The following NIPA1 variants were observed in gnomAD, a reference collection of about 807,000 sequenced individuals.
NIPA1 encodes magnesium transporter NIPA1.
NIPA1 carries 13 observed loss-of-function variants against 23.9 expected under a neutral mutation model. That is an observed-to-expected ratio of 0.54 (90% CI 0.35 to 0.87). NIPA1 has a LOEUF of 0.87. Among genes scored for constraint, NIPA1 ranks in the 40% least tolerant of loss-of-function variants. NIPA1 has a pLI of 0.01. For missense variants in NIPA1, 362 were observed against 429.7 expected (o/e 0.84, Z 1.39); for synonymous variants, 234 against 202.9 (o/e 1.15, Z -1.30).
intron 1 of NIPA1, among the ~76,000 whole-genome samples, chr15:22,791,008 A>G (rs1329809689): frequency 2.0e-5 from 3 of 152,154 alleles, no homozygotes; most frequent in Admixed American, 6.6e-5. Flanking sequence ...ATTTAGGGGT[A>G]CAAATGCAGT....
At chr15:22,799,781 CAAA>C (rs746610642) in intron 1 of NIPA1, among the ~76,000 whole-genome samples, 4 of 104,166 alleles carry the variant, frequency 3.8e-5, no homozygotes, top group Non-Finnish European at 4.1e-5. Context: ...GACTCTGTCT[CAAA>C]AAAAAAAAAA....
chr15:22,795,365 C>G (rs1274751229), intron 1 of NIPA1, among the ~76,000 whole-genome samples: 1 of 152,084 alleles, frequency 6.6e-6, no homozygotes, highest in Non-Finnish European at 1.5e-5. Context: ...GTGGACTGGG[C>G]TCCGCTGGGC....
upstream of NIPA1, chr15:22,786,562 C>T (rs894979804): frequency 3.3e-6 from 1 of 301,418 alleles, no homozygotes; most frequent in Non-Finnish European, 4.9e-6. Context: ...CACCCGTCCC[C>T]CTCCCCTCCC....
At chr15:22,793,295 GCTGAGATCGCACC>G (rs1894869576) in intron 1 of NIPA1, among the ~76,000 whole-genome samples, 1 of 140,296 alleles carries the variant, frequency 7.1e-6, no homozygotes, top group Non-Finnish European at 1.5e-5. Context: ...GTTGCAGTGA[GCTGAGATCGCACC>G]ACTGCACTCC....
chr15:22,797,751 C>A (rs546710309), intron 1 of NIPA1, among the ~76,000 whole-genome samples: 1 of 152,134 alleles, frequency 6.6e-6, no homozygotes, highest in Non-Finnish European at 1.5e-5. Flanking sequence ...GATCCGCCCA[C>A]CTCGGCCTCC....
rs1193412174 is a variant in NIPA1, at chr15:22,804,099, CCTGAGT to C, written c.179-6649_179-6644del. On this transcript the variant is annotated intron_variant, in intron 1 of 4. Transcript: ENST00000337435. Reference sequence around the variant, plus strand: ...TCGAGCGATTCTCCTGCGTCAGCGTCCTGAGTAGCTGGGATTACAGGCATGAACCAC... The same window carrying C: ...TCGAGCGATTCTCCTGCGTCAGCGTCAGCTGGGATTACAGGCATGAACCAC... 3.9e-5 allele frequency among the ~76,000 whole-genome samples: 6 copies of C among 152,050 alleles called. No individual in the cohort carries two copies. The South Asian group carries it at 1.0e-3, about 26-fold the overall frequency.
At chr15:22,820,548 T>C (rs1470923285) in intron 4 of NIPA1, 75 bp downstream of exon 4, 10 of 1,091,678 alleles carry the variant, frequency 9.2e-6, no homozygotes, top group Non-Finnish European at 1.4e-5. Context: ...GTCTTCAAAT[T>C]GGATGCTTCC....
At chr15:22,807,340 T>G (rs1895230235) in intron 1 of NIPA1, among the ~76,000 whole-genome samples, 1 of 152,174 alleles carries the variant, frequency 6.6e-6, no homozygotes. Flanking sequence ...TTGACCAGCT[T>G]TCACTGTAGG....
intron 3 of NIPA1, chr15:22,813,761 A>ATG (rs1372371873): frequency 4.5e-6 from 2 of 448,544 alleles, no homozygotes; most frequent in African/African-American, 4.0e-5. Flanking sequence ...CGCCTTGAGA[A>ATG]TGTGTGTGTG....
rs1407510023 is a variant in NIPA1, at chr15:22,828,540, C to A, written c.*4301C>A. Reference sequence around the variant, plus strand: ...GTGAGAATTTGGCCCACTACCACGACTCATTTGTTTCATTCACATTCCTCA... The same window carrying A: ...GTGAGAATTTGGCCCACTACCACGAATCATTTGTTTCATTCACATTCCTCA... On this transcript the variant is annotated 3_prime_UTR_variant, in exon 5 of 5. Coordinates refer to ENST00000337435, the MANE Select transcript of NIPA1 (RefSeq NM_144599.5). 1.3e-5 allele frequency: 2 copies of A among 152,528 alleles called. No homozygotes were observed. Among genetic ancestry groups the A allele is most frequent in the Non-Finnish European group, 2.9e-5 (2 of 68,030 alleles). The allele number at this position is 152,528 out of a possible 1,614,324, so 9.4% of individuals were successfully genotyped here.
At chr15:22,817,328 C>T (rs1400209807) in intron 3 of NIPA1, among the ~76,000 whole-genome samples, 4 of 146,966 alleles carry the variant, frequency 2.7e-5, no homozygotes, top group Non-Finnish European at 5.9e-5. Flanking sequence ...GGTGAAACCC[C>T]GTCTCTCATA....
intron 1 of NIPA1, among the ~76,000 whole-genome samples, chr15:22,804,890 G>A (rs972895191): frequency 3.9e-5 from 6 of 151,980 alleles, no homozygotes; most frequent in Admixed American, 6.6e-5. Context: ...AGGCTGGAGT[G>A]CAGTGGCGCA....
intron 3 of NIPA1, among the ~76,000 whole-genome samples, chr15:22,816,457 G>T (rs1297899788): frequency 7.3e-5 from 10 of 136,960 alleles, no homozygotes; most frequent in African/African-American, 2.7e-4. Flanking sequence ...AAAGTGCTGG[G>T]ATTACAGGTG....
intron 1 of NIPA1, among the ~76,000 whole-genome samples, chr15:22,795,258 C>T (rs1433896765): frequency 1.3e-5 from 2 of 152,028 alleles, no homozygotes; most frequent in African/African-American, 2.4e-5. Flanking sequence ...TGCTTGGTTT[C>T]CTTAATGCTG....
intron 3 of NIPA1, among the ~76,000 whole-genome samples, chr15:22,814,685 G>A (rs924687536): frequency 5.3e-5 from 8 of 152,156 alleles, no homozygotes; most frequent in Non-Finnish European, 1.0e-4. Flanking sequence ...TGTAATGTAT[G>A]ATAAAGTAAT....
intron 4 of NIPA1, among the ~76,000 whole-genome samples, chr15:22,822,908 G>GTT (rs59308538): frequency 1.1e-4 from 10 of 91,440 alleles, no homozygotes; most frequent in African/African-American, 1.5e-4. Context: ...GCTGTAAATG[G>GTT]TTTTTTTTTT....
At chr15:22,793,357 C>CAAAAAAA (rs1163603849) in intron 1 of NIPA1, among the ~76,000 whole-genome samples, 5 of 73,078 alleles carry the variant, frequency 6.8e-5, no homozygotes, top group African/African-American at 9.9e-5. Flanking sequence ...GACTGTGTCT[C>CAAAAAAA]AAAAAAAAAA....
chr15:22,823,684 G>A (rs759921621), intron 4 of NIPA1, 44 bp from the exon 5 acceptor site: 1 of 1,565,738 alleles, frequency 6.4e-7, no homozygotes, highest in Middle Eastern at 2.0e-4. Flanking sequence ...GGTTGCGGCT[G>A]CTAGGCGGTG....
chr15:22,810,708 T>C (rs1444647114), intron 1 of NIPA1, 41 bp from the exon 2 acceptor site: 1 of 1,314,094 alleles, frequency 7.6e-7, no homozygotes, highest in African/African-American at 1.4e-5. Context: ...ACGTAGCTGG[T>C]AAACCCACTT....
Sources: allele counts gnomAD v4.1 joint callset (sites outside exome capture counted in the v4.1 genomes callset), GRCh38; gene constraint gnomAD v4.1.1; transcripts MANE v1.5; gene names NCBI Gene and HGNC (gene_info 2026-07-23, HGNC 2026-07-21).